Variants in SPAG6 observed in about 807,000 individuals in gnomAD.
SPAG6 encodes sperm associated antigen 6.
SPAG6 carries 49 observed loss-of-function variants against 58.5 expected under a neutral mutation model. The ratio of observed to expected loss-of-function variants is 0.84; its 90% CI spans 0.67 to 1.06. SPAG6 has a LOEUF of 1.06. SPAG6 is among the 50% of genes least tolerant of loss of function. The probability of loss-of-function intolerance (pLI) is 0.00; values close to 1 mark genes in which losing one functional copy is unlikely to be tolerated. For synonymous variants in SPAG6, 233 were observed against 225.6 expected (o/e 1.03, Z -0.29); for missense variants, 560 against 611.3 (o/e 0.92, Z 0.89).
At chr10:22,349,009 T>C (rs1836644401) in intron 2 of SPAG6, among the ~76,000 whole-genome samples, 1 of 152,082 alleles carries the variant, frequency 6.6e-6, no homozygotes, top group African/African-American at 2.4e-5. Flanking sequence ...ATTTTTGTTT[T>C]GTTTTGTTTT....
intron 10 of SPAG6, chr10:22,412,702 G>C (rs904623635): frequency 2.4e-5 from 10 of 417,628 alleles, no homozygotes; most frequent in African/African-American, 2.1e-4. Context: ...CTCCCAAGTA[G>C]CTGGGACTAC....
chr10:22,374,453 A>G (rs907011239), intron 4 of SPAG6, among the ~76,000 whole-genome samples: 1 of 152,126 alleles, frequency 6.6e-6, no homozygotes, highest in Non-Finnish European at 1.5e-5. Flanking sequence ...GCATTGAGTG[A>G]CTATACATTA....
intron 4 of SPAG6, among the ~76,000 whole-genome samples, chr10:22,377,919 T>A (rs751763642): frequency 6.6e-6 from 1 of 152,174 alleles, no homozygotes; most frequent in Non-Finnish European, 1.5e-5. Context: ...CCTTTGAAGT[T>A]TGAATAATAA....
At chr10:22,346,088 G>T in intron 2 of SPAG6, 1 of 1,501,700 alleles carries the variant, frequency 6.7e-7, no homozygotes, top group Non-Finnish European at 8.9e-7. Context: ...GAATTGCCTG[G>T]AGTCATTTTA....
chr10:22,399,739 A>G (rs935702740), intron 8 of SPAG6, among the ~76,000 whole-genome samples: 1 of 152,216 alleles, frequency 6.6e-6, no homozygotes, highest in Admixed American at 6.5e-5. Context: ...GAACTACTAG[A>G]ATAAGGCTGT....
At chr10:22,394,933 A>G (rs1256617135) in intron 8 of SPAG6, among the ~76,000 whole-genome samples, 2 of 151,360 alleles carry the variant, frequency 1.3e-5, no homozygotes, top group Non-Finnish European at 2.9e-5. Context: ...CTGGTCTTGA[A>G]CTCCTGGCCT....
At chr10:22,354,622 A>C (rs1474048786) in intron 2 of SPAG6, among the ~76,000 whole-genome samples, 1 of 152,210 alleles carries the variant, frequency 6.6e-6, no homozygotes, top group Non-Finnish European at 1.5e-5. Context: ...TTTTATCTGG[A>C]GTATAATGCA....
At chr10:22,402,692 G>A (rs929652532) in intron 9 of SPAG6, among the ~76,000 whole-genome samples, 5 of 152,184 alleles carry the variant, frequency 3.3e-5, no homozygotes, top group African/African-American at 1.2e-4. Context: ...GGAATATAAT[G>A]GCATGCCCTC....
At chr10:22,359,671 TTTAA>T (rs534718585) in intron 2 of SPAG6, among the ~76,000 whole-genome samples, 276 of 152,282 alleles carry the variant, frequency 1.8e-3, no homozygotes, top group African/African-American at 6.2e-3. Context: ...CTTAAAATGG[TTTAA>T]TTGATAAATT....
intron 6 of SPAG6, among the ~76,000 whole-genome samples, 190 bp downstream of exon 6, chr10:22,388,186 C>T (rs12261027): frequency 0.14 from 20,594 of 151,394 alleles, 4,072 homozygotes; most frequent in African/African-American, 0.44. Flanking sequence ...CATTGTAGGA[C>T]GGATGTTTAG....
intron 7 of SPAG6, 116 bp downstream of exon 7, chr10:22,389,428 GA>G (rs1588661567): frequency 1.9e-6 from 2 of 1,078,016 alleles, no homozygotes; most frequent in Admixed American, 2.7e-5. Flanking sequence ...AAAATTACCT[GA>G]AAAAAATTTT....
In SPAG6 at chr10:22,387,934, G is replaced by T. The variant is rs1203165313; in HGVS notation, c.790G>T (p.Asp264Tyr). The T allele has an allele frequency of 2.5e-6, 4 of 1,613,094 alleles. No homozygotes were observed. Among genetic ancestry groups the T allele is most frequent in the Non-Finnish European group, 1.7e-6 (2 of 1,179,534 alleles). ...TGTACTTACCTGTCTGAAGGACAAG[G>T]ATGAATACGTGAAGAAAAATGCTTC... is the stretch of plus-strand genomic sequence containing the variant. ...PVVLTCLKDK[D>Y]EYVKKNASTL... The change falls in exon 6 of 11, where the codon GAT becomes TAT. Residue 264 changes from aspartate to tyrosine, a missense_variant. Transcript: ENST00000376624.
At chr10:22,357,066 A>C (rs369995749) in intron 2 of SPAG6, among the ~76,000 whole-genome samples, 3 of 151,660 alleles carry the variant, frequency 2.0e-5, no homozygotes, top group African/African-American at 7.3e-5. Flanking sequence ...AACATATGAA[A>C]CTCTTTTTGC....
At chr10:22,381,308 C>A (rs545231191) in intron 4 of SPAG6, among the ~76,000 whole-genome samples, 30 of 150,212 alleles carry the variant, frequency 2.0e-4, no homozygotes, top group African/African-American at 7.5e-4. Context: ...TTGGCCAGCA[C>A]TATGTTGTCT....
At chr10:22,357,397 T>C (rs943764810) in intron 2 of SPAG6, among the ~76,000 whole-genome samples, 1 of 152,106 alleles carries the variant, frequency 6.6e-6, no homozygotes, top group Non-Finnish European at 1.5e-5. Context: ...GATAGATATA[T>C]CTTGAATGAA....
chr10:22,358,726 A>C (rs1836944344), intron 2 of SPAG6, among the ~76,000 whole-genome samples: 1 of 152,088 alleles, frequency 6.6e-6, no homozygotes, highest in African/African-American at 2.4e-5. Context: ...TCTAACGTTT[A>C]AGTCTTTAAT....
intron 9 of SPAG6, among the ~76,000 whole-genome samples, chr10:22,402,299 G>C (rs1295083582): frequency 1.3e-5 from 2 of 152,010 alleles, no homozygotes. Flanking sequence ...AAAAATGAAT[G>C]GGGTGTGGCA....
At chr10:22,376,510 A>T (rs1833816513) in intron 4 of SPAG6, among the ~76,000 whole-genome samples, 1 of 152,232 alleles carries the variant, frequency 6.6e-6, no homozygotes, top group Admixed American at 6.5e-5. Context: ...GATATTTGTT[A>T]AAAGGCAATG....
intron 2 of SPAG6, among the ~76,000 whole-genome samples, chr10:22,361,983 CATAA>C (rs1362648162): frequency 1.4e-5 from 2 of 146,032 alleles, no homozygotes; most frequent in East Asian, 2.0e-4. Context: ...CAAGTGGGCA[CATAA>C]ATAAATATAT....
Sources: allele counts gnomAD v4.1 joint callset (sites outside exome capture counted in the v4.1 genomes callset), GRCh38; gene constraint gnomAD v4.1.1; transcripts MANE v1.5; gene names NCBI Gene and HGNC (gene_info 2026-07-23, HGNC 2026-07-21).